The following SSC5D variants were observed in gnomAD, a reference collection of about 807,000 sequenced individuals.
The protein encoded by SSC5D is scavenger receptor cysteine rich family member with 5 domains.
Under a neutral mutation model 104.6 loss-of-function variants are expected in SSC5D, and 106 were observed. The observed-to-expected ratio is 1.01, with a 90% CI of 0.87 to 1.19. The LOEUF (loss-of-function observed/expected upper bound fraction) is 1.19. Ranked by LOEUF, SSC5D falls within the 50% of genes most tolerant of loss-of-function variation. SSC5D has a pLI of 0.00. For synonymous variants in SSC5D, 860 were observed against 883.5 expected, an observed-to-expected ratio of 0.97 and a Z score of 0.47; for missense variants, 1,993 against 2,153.8, an observed-to-expected ratio of 0.93 and a Z score of 1.48.
rs1307599075 is a variant in SSC5D at position 55,499,891 on chromosome 19, C to T, written c.1781C>T (p.Ala594Val). The T allele has an allele frequency of 1.2e-5, 19 of 1,551,638 alleles. No homozygotes were observed. The highest frequency in any genetic ancestry group is 1.6e-5 in the Non-Finnish European group (18 of 1,146,972). ...WIPGLGRDRD[A>V]WLPGELATKP... ...CCTGGACTGGGGAGAGATCGGGATG[C>T]CTGGCTCCCGGGAGAGCTGGCCACC... The change falls in exon 10 of 14, where the codon GCC becomes GTC. Residue 594 changes from alanine (A) to valine (V), a missense_variant. Transcript: ENST00000389623.
At chr19:55,490,531 C>A in intron 5 of SSC5D, 123 bp downstream of exon 5, 2 of 610,334 alleles carry the variant, frequency 3.3e-6, no homozygotes, top group South Asian at 2.1e-5. Context: ...CCCAGTGTTC[C>A]CCGCGTCCCT....
In SSC5D at chr19:55,502,753, T is replaced by G. The variant is rs549806777; in HGVS notation, c.2785+1552T>G. ...TCACTGCAGCCTTGAACTCCCAGGC[T>G]CAGGTGATCCTCCGACCTCAGCCTC... On this transcript the variant is annotated intron_variant, in intron 12 of 13. Transcript: ENST00000389623. Among the ~76,000 whole-genome samples the G allele has an allele frequency of 2.5e-3, 374 of 152,224 alleles. 1 individual carries two copies. Among genetic ancestry groups the G allele is most frequent in the African/African-American group, 8.9e-3 (368 of 41,524 alleles).
At position 55,489,006 on chromosome 19, in the gene SSC5D, C is replaced by T. The variant is rs542344642; in HGVS notation, c.26C>T (p.Ala9Val). The T allele has an allele frequency of 2.6e-5, 39 of 1,501,178 alleles. No homozygotes were observed. The highest frequency in any genetic ancestry group is 6.3e-5 in the South Asian group (5 of 78,760). 93.0% of individuals were successfully genotyped at this position (1,501,178 alleles called of 1,614,324 possible). The change falls in exon 2 of 14, where the codon GCG becomes GTG. Residue 9 changes from alanine (A) to valine (V), a missense_variant and splice_region_variant. By Grantham distance (64) the Ala-to-Val change is moderately conservative. Coordinates refer to ENST00000389623, the MANE Select transcript of SSC5D (RefSeq NM_001144950.2). ...CCCCACCCTCCGCCCTCCCTTCCAG[C>T]GGCCCTGGTGGGGATCCAGGCTGTT... Reference protein sequence around the residue: MRVLACLLAALVGIQAVER... With the variant: MRVLACLLVALVGIQAVER...
At position 55,490,343 on chromosome 19, in the gene SSC5D, G is replaced by C. The variant is rs1476633892; in HGVS notation, c.521G>C (p.Ser174Thr). The C allele has an allele frequency of 6.6e-6, 10 of 1,510,290 alleles. No individual in the cohort carries two copies. The East Asian group carries it at 1.5e-4, about 23-fold the overall frequency. The allele number at this position is 1,510,290 out of a possible 1,614,324, so 93.6% of individuals were successfully genotyped here. Residue 174 changes from serine (S) to threonine (T), a missense_variant, in exon 5 of 14, where the codon AGC becomes ACC. Physicochemically the swap from Ser to Thr is moderately conservative, Grantham distance 58 (BLOSUM62 1). Coordinates refer to ENST00000389623, the MANE Select transcript of SSC5D (RefSeq NM_001144950.2). ...CCCCAGAACGCCTCCCGGAAGAAGA[G>C]CCCCCGGCCCAAGCAGGCCAAGTCC... ...GNPQNASRKK[S>T]PRPKQAKSTR...
At chr19:55,491,254 C>G (rs1987136557) in intron 6 of SSC5D, 174 bp downstream of exon 6, 1 of 724,884 alleles carries the variant, frequency 1.4e-6, no homozygotes, top group Admixed American at 3.1e-5. Context: ...CAGCTCCTGC[C>G]GTTCTCCTTG....
chr19:55,518,820 G>C lies in SSC5D; in HGVS notation c.4544G>C (p.Arg1515Pro), dbSNP rs1276928924. The part of the protein sequence containing the change: ...QRLTQVVEQE[R>P]QERQALLLGL... ...CTGACCCAGGTCGTGGAACAGGAGC[G>C]GCAGGAGCGCCAAGCCCTGCTGCTG... Residue 1515 changes from arginine to proline, a missense_variant, in exon 14 of 14, where the codon CGG becomes CCG. Arg to Pro is a moderately radical substitution (Grantham distance 103, BLOSUM62 -2). Coordinates refer to ENST00000389623, the MANE Select transcript of SSC5D (RefSeq NM_001144950.2). The C allele has an allele frequency of 5.8e-6, 9 of 1,550,272 alleles. No individual in the cohort carries two copies. The East Asian group carries it at 7.3e-5, about 13-fold the overall frequency.
intron 6 of SSC5D, chr19:55,491,445 G>A (rs750240064): frequency 3.1e-5 from 7 of 223,308 alleles, no homozygotes; most frequent in Admixed American, 5.3e-5. Context: ...CTCTGCCACC[G>A]GGCTGGCCAT....
intron 13 of SSC5D, 84 bp downstream of exon 13, chr19:55,513,256 C>A: frequency 7.5e-7 from 1 of 1,330,876 alleles, no homozygotes; most frequent in Non-Finnish European, 1.0e-6. Context: ...CCACTGGAAC[C>A]CTTACCCCAG....
At chr19:55,512,491 T>G (rs1987781022) in intron 12 of SSC5D, among the ~76,000 whole-genome samples, 1 of 151,462 alleles carries the variant, frequency 6.6e-6, no homozygotes, top group South Asian at 2.1e-4. Flanking sequence ...TTCCTTTTTT[T>G]TTTTTTTTGA....
chr19:55,507,435 CAGG>C (rs200846617), intron 12 of SSC5D, among the ~76,000 whole-genome samples: 4,713 of 150,492 alleles, frequency 0.031, 246 homozygotes, highest in African/African-American at 0.11. Context: ...CAGGCTGAGG[CAGG>C]TGGATCACCT....
At position 55,493,698 on chromosome 19, in the gene SSC5D, G is replaced by C. The variant is rs1180942215; in HGVS notation, c.999G>C (p.Trp333Cys). 1.5e-5 allele frequency: 23 copies of C among 1,513,480 alleles called. No homozygotes were observed. Among genetic ancestry groups the C allele is most frequent in the Non-Finnish European group, 1.9e-5 (22 of 1,136,038 alleles). 93.8% of individuals were successfully genotyped at this position (1,513,480 alleles called of 1,614,324 possible). Residue 333 changes from tryptophan (W) to cysteine (C), a missense_variant, in exon 7 of 14, where the codon TGG becomes TGC. Coordinates refer to ENST00000389623, the MANE Select transcript of SSC5D (RefSeq NM_001144950.2). ...GGGGGTCGGTGTGTGACGACGCCTG[G>C]GACCTGCGAGACGCCGCTGTGGCCT... ...GRWGSVCDDA[W>C]DLRDAAVACR...
Position 55,518,487 on chromosome 19 carries a change from C to G in SSC5D, c.4211C>G (p.Pro1404Arg). The change falls in exon 14 of 14, where the codon CCA (proline) becomes CGA (arginine). Residue 1404 changes from proline to arginine, a missense_variant. Physicochemically the swap from Pro to Arg is moderately radical, Grantham distance 103. This residue lies in a region of SSC5D where 349 missense variants were observed against 397.6 expected (regional missense o/e 0.88). Coordinates refer to ENST00000389623, the MANE Select transcript of SSC5D (RefSeq NM_001144950.2). The stretch of plus-strand genomic sequence containing the variant: ...TCCTCCACAGCCACAAGCATGGACC[C>G]ACTGTCCACTGAGGACTTCAAGCCA... ...SRSSTATSMD[P>R]LSTEDFKPPR... 6.4e-7 allele frequency: 1 copy of G among 1,551,406 alleles called. No homozygotes were observed. Among genetic ancestry groups the G allele is most frequent in the Non-Finnish European group, 8.7e-7 (1 of 1,146,942 alleles).
chr19:55,488,959 C>T (rs1358221268), intron 1 of SSC5D, 47 bp from the exon 2 acceptor site: 1 of 969,072 alleles, frequency 1.0e-6, no homozygotes, highest in East Asian at 1.2e-4. Flanking sequence ...AAAGGGCCAC[C>T]CCCGGCCTGC....
intron 8 of SSC5D, among the ~76,000 whole-genome samples, chr19:55,495,226 TATATA>T (rs1477126895): frequency 3.7e-5 from 1 of 27,066 alleles, no homozygotes; most frequent in Non-Finnish European, 8.0e-5. Flanking sequence ...CATATATATA[TATATA>T]TATTTTTTTT....
At chr19:55,499,250 G>T (rs1424304425) in intron 9 of SSC5D, among the ~76,000 whole-genome samples, 6 of 152,352 alleles carry the variant, frequency 3.9e-5, no homozygotes, top group Non-Finnish European at 8.8e-5. Flanking sequence ...TTTGGGCAGG[G>T]TTAATCCTTT....
chr19:55,490,801 A>T lies in SSC5D; in HGVS notation c.616A>T (p.Arg206Trp). The part of the protein sequence containing the change: ...ERLRLVSGPH[R>W]CAGRLEVWHG... ...GCTGCGCCTGGTCTCTGGCCCCCAC[A>T]GGTGCGCCGGACGCCTGGAGGTCTG... The change falls in exon 6 of 14, where the codon AGG becomes TGG. Residue 206 changes from arginine (R) to tryptophan (W), a missense_variant. Arg to Trp is a moderately radical substitution (Grantham distance 101). This residue lies in a region of SSC5D where 1,101 missense variants were observed against 1,085.0 expected (regional missense o/e 1.01). Transcript: ENST00000389623. 1.9e-6 allele frequency: 3 copies of T among 1,543,714 alleles called. No homozygotes were observed. The highest frequency in any genetic ancestry group is 2.6e-6 in the Non-Finnish European group (3 of 1,144,720).
chr19:55,495,884 T>C (rs958882143), intron 8 of SSC5D, among the ~76,000 whole-genome samples: 5 of 148,852 alleles, frequency 3.4e-5, no homozygotes, highest in African/African-American at 1.2e-4. Flanking sequence ...CACAGCTGCA[T>C]GCCACCGAGC....
chr19:55,514,201 C>T (rs1018110402), intron 13 of SSC5D, among the ~76,000 whole-genome samples: 6 of 151,136 alleles, frequency 4.0e-5, no homozygotes, highest in South Asian at 2.1e-4. Flanking sequence ...GTCAGGAGAT[C>T]GAGACCATCC....
intron 2 of SSC5D, 30 bp downstream of exon 2, chr19:55,489,062 GCCCC>G: frequency 1.3e-5 from 12 of 910,462 alleles, no homozygotes; most frequent in Non-Finnish European, 1.8e-5. Context: ...CCATCTGCCC[GCCCC>G]CCCCCCCAGG....
Sources: gnomAD v4.1 joint callset for allele counts (sites outside exome capture counted in the v4.1 genomes callset) on GRCh38, gnomAD v4.1.1 for gene constraint, gnomAD v4.1.1 regional missense constraint, MANE v1.5 for transcripts, NCBI Gene and HGNC (gene_info 2026-07-23, HGNC 2026-07-21) for gene names.